The following RNF17 variants were observed in gnomAD, a reference collection of about 807,000 sequenced individuals.
The protein encoded by RNF17 is spermatogenesis associated 23.
Under a neutral mutation model 200.5 loss-of-function variants are expected in RNF17, and 31 were observed. That is an observed-to-expected ratio of 0.15 (90% CI 0.12 to 0.21). The LOEUF (loss-of-function observed/expected upper bound fraction) is 0.21. Among genes scored for constraint, RNF17 ranks in the 10% least tolerant of loss-of-function variants. RNF17 has a pLI of 1.00. For synonymous variants in RNF17, 606 were observed against 637.8 expected, an observed-to-expected ratio of 0.95 and a Z score of 0.75; for missense variants, 1,628 against 1,905.1, an observed-to-expected ratio of 0.85 and a Z score of 2.71.
At chr13:24,764,393 G>A in intron 1 of RNF17, 60 bp downstream of exon 1, 1 of 1,503,540 alleles carries the variant, frequency 6.7e-7, no homozygotes, top group South Asian at 1.3e-5. Flanking sequence ...CTGGGGGCCA[G>A]GTGAGCTGGT....
chr13:24,782,625 T>C (rs1882556246), intron 6 of RNF17, among the ~76,000 whole-genome samples: 1 of 151,212 alleles, frequency 6.6e-6, no homozygotes, highest in Non-Finnish European at 1.5e-5. Context: ...ATCTTTGAGC[T>C]CAGGAGTTTG....
intron 23 of RNF17, 57 bp downstream of exon 23, chr13:24,850,500 A>G (rs1487331649): frequency 2.1e-5 from 24 of 1,118,278 alleles, no homozygotes; most frequent in Non-Finnish European, 3.0e-5. Context: ...CATCGATTCC[A>G]TTTATTTTCT....
chr13:24,769,610 G>C (rs1047530554), intron 2 of RNF17, among the ~76,000 whole-genome samples: 1 of 152,146 alleles, frequency 6.6e-6, no homozygotes, highest in Non-Finnish European at 1.5e-5. Flanking sequence ...GAGAATGGAA[G>C]AATCTAGTTT....
At chr13:24,870,503 T>A in intron 31 of RNF17, 68 bp from the exon 32 acceptor site, 1 of 1,406,674 alleles carries the variant, frequency 7.1e-7, no homozygotes, top group Non-Finnish European at 9.9e-7. Flanking sequence ...CTACAGTAAT[T>A]TTGTCCACAT....
In RNF17 at chr13:24,874,032, C is replaced by T. The variant is rs913102053; in HGVS notation, c.4448-82C>T. 2.9e-6 allele frequency: 4 copies of T among 1,380,342 alleles called. No individual in the cohort carries two copies. In the African/African-American group the frequency reaches 4.4e-5, roughly 15 times the overall value. 85.5% of individuals were successfully genotyped at this position (1,380,342 alleles called of 1,614,324 possible). ...TGCAACAAACATGGGGTACAAGTAG[C>T]CCTTTGATATGCTGATTTCCTTTGG... is the stretch of plus-strand genomic sequence containing the variant. On this transcript the variant is annotated intron_variant, in intron 32 of 35. Coordinates refer to ENST00000255324, the MANE Select transcript of RNF17 (RefSeq NM_031277.3).
intron 7 of RNF17, among the ~76,000 whole-genome samples, chr13:24,788,406 A>G (rs776220524): frequency 6.6e-6 from 1 of 152,112 alleles, no homozygotes; most frequent in Non-Finnish European, 1.5e-5. Flanking sequence ...GAAATGGTGC[A>G]ATTAAGTCTT....
At chr13:24,788,575 C>T (rs913520966) in intron 7 of RNF17, among the ~76,000 whole-genome samples, 5 of 152,102 alleles carry the variant, frequency 3.3e-5, no homozygotes, top group South Asian at 2.1e-4. Context: ...CAACTCTTAA[C>T]GTTAAAATTT....
chr13:24,858,138 G>C (rs184511304), intron 25 of RNF17, among the ~76,000 whole-genome samples: 199 of 152,290 alleles, frequency 1.3e-3, no homozygotes, highest in African/African-American at 4.5e-3. Flanking sequence ...CTATGGATAA[G>C]GGTATGGTAG....
chr13:24,778,775 TTGTTAA>T (rs1394070961), intron 4 of RNF17, among the ~76,000 whole-genome samples: 2 of 152,252 alleles, frequency 1.3e-5, no homozygotes, highest in Non-Finnish European at 2.9e-5. Context: ...ATGTTTGTTG[TTGTTAA>T]TGTTATTGCT....
chr13:24,884,161 C>G, downstream of RNF17: 1 of 1,613,984 alleles, frequency 6.2e-7, no homozygotes, highest in Non-Finnish European at 8.5e-7. Flanking sequence ...AAGTTTGTAC[C>G]TATTTGTCCA....
At chr13:24,816,979 A>G (rs1887487394) in intron 15 of RNF17, among the ~76,000 whole-genome samples, 1 of 152,234 alleles carries the variant, frequency 6.6e-6, no homozygotes, top group Non-Finnish European at 1.5e-5. Context: ...AGACCCGAAG[A>G]CCAAGTTAGA....
chr13:24,800,591 A>T (rs1885125483), intron 13 of RNF17, 57 bp downstream of exon 13: 5 of 1,471,280 alleles, frequency 3.4e-6, no homozygotes, highest in Non-Finnish European at 4.7e-6. Flanking sequence ...TTAGCTATGT[A>T]TTGCCAGTTA....
chr13:24,883,131 A>AACAT (rs778780583), downstream of RNF17: 3 of 1,478,298 alleles, frequency 2.0e-6, no homozygotes, highest in African/African-American at 1.4e-5. Flanking sequence ...TACATTTTTT[A>AACAT]ACATAAAAAG....
At chr13:24,777,569 A>G (rs1463662221) in intron 3 of RNF17, among the ~76,000 whole-genome samples, 3 of 152,214 alleles carry the variant, frequency 2.0e-5, no homozygotes, top group Non-Finnish European at 4.4e-5. Context: ...TTTCTTTGCA[A>G]TTAACTTGCT....
At chr13:24,857,706 C>T (rs1892665733) in intron 25 of RNF17, among the ~76,000 whole-genome samples, 1 of 152,174 alleles carries the variant, frequency 6.6e-6, no homozygotes, top group Admixed American at 6.5e-5. Context: ...TGCGACCAGG[C>T]TGGGCAACAT....
chr13:24,862,852 A>G (rs1356077317), intron 28 of RNF17, 59 bp downstream of exon 28: 5 of 979,006 alleles, frequency 5.1e-6, no homozygotes, highest in Non-Finnish European at 8.1e-6. Context: ...TATAATTAAC[A>G]TAATTTGAGG....
intron 15 of RNF17, among the ~76,000 whole-genome samples, chr13:24,815,137 T>C (rs959260256): frequency 1.3e-5 from 2 of 152,234 alleles, no homozygotes; most frequent in Non-Finnish European, 2.9e-5. Flanking sequence ...TTGGATAGCA[T>C]TGACATCTTA....
chr13:24,813,900 A>G lies in RNF17; in HGVS notation c.2091+9471A>G, dbSNP rs568772683. ...TGGTTTTGAACTCCTGGTCCCAAAC[A>G]GTCCTCCTGCCTCAGCCTCCCAAAG... On this transcript the variant is annotated intron_variant, in intron 15 of 35. Transcript: ENST00000255324. 7.9e-4 allele frequency among the ~76,000 whole-genome samples: 112 copies of G among 142,306 alleles called. 1 individual carries two copies. Among genetic ancestry groups the G allele is most frequent in the African/African-American group, 2.8e-3 (109 of 38,530 alleles). The allele number at this position is 142,306 out of a possible 152,430, so 93.4% of individuals were successfully genotyped here.
chr13:24,839,072 A>G lies in RNF17; in HGVS notation c.2483-2969A>G, dbSNP rs1488899211. Reference sequence around the variant, plus strand: ...AATCAAGAACTCAACCCCTTTTACAATAGCTGCAAAAAAATAAAATACTTA... The same window carrying G: ...AATCAAGAACTCAACCCCTTTTACAGTAGCTGCAAAAAAATAAAATACTTA... On this transcript the variant is annotated intron_variant, in intron 18 of 35. Transcript: ENST00000255324. Among the ~76,000 whole-genome samples, 5 of 152,284 alleles carry G rather than the reference A, an allele frequency of 3.3e-5. No homozygotes were observed. The East Asian group carries it at 7.7e-4, about 23-fold the overall frequency.
Sources: allele counts gnomAD v4.1 joint callset (sites outside exome capture counted in the v4.1 genomes callset), GRCh38; gene constraint gnomAD v4.1.1; transcripts MANE v1.5; gene names NCBI Gene and HGNC (gene_info 2026-07-23, HGNC 2026-07-21).